The following NR3C1 variants were observed in gnomAD, a reference collection of about 807,000 sequenced individuals.
The protein encoded by NR3C1 is glucocorticoid receptor.
Under a neutral mutation model 74.0 loss-of-function variants are expected in NR3C1, and 14 were observed. That is an observed-to-expected ratio of 0.19 (90% CI 0.12 to 0.30). The LOEUF (loss-of-function observed/expected upper bound fraction) is 0.30, where lower values mean the gene tolerates loss of function less well. Among genes scored for constraint, NR3C1 ranks in the 10% least tolerant of loss-of-function variants. The probability of loss-of-function intolerance (pLI) is 1.00; values close to 1 mark genes in which losing one functional copy is unlikely to be tolerated. For synonymous variants in NR3C1, 308 were observed against 332.5 expected, an observed-to-expected ratio of 0.93 and a Z score of 0.80; for missense variants, 695 against 909.8, an observed-to-expected ratio of 0.76 and a Z score of 3.04.
At chr5:143,434,521 A>T in intron 1 of NR3C1, 3 of 985,166 alleles carry the variant, frequency 3.0e-6, no homozygotes, top group Non-Finnish European at 3.6e-6. Context: ...GGGAATAAAA[A>T]TATAACCTAC....
At chr5:143,366,204 GT>G (rs1833142431) in intron 2 of NR3C1, among the ~76,000 whole-genome samples, 2 of 151,942 alleles carry the variant, frequency 1.3e-5, no homozygotes, top group African/African-American at 4.8e-5. Flanking sequence ...AATAGAGTAG[GT>G]CAACAAAAAT....
At chr5:143,370,850 A>AT (rs1383040645) in intron 2 of NR3C1, among the ~76,000 whole-genome samples, 3 of 152,216 alleles carry the variant, frequency 2.0e-5, no homozygotes, top group Admixed American at 1.3e-4. Context: ...TAAAAGCAAG[A>AT]TATCAGGAAC....
intron 2 of NR3C1, among the ~76,000 whole-genome samples, chr5:143,381,069 T>C (rs1836140955): frequency 6.6e-6 from 1 of 152,094 alleles, no homozygotes; most frequent in South Asian, 2.1e-4. Context: ...CAAAAAAATA[T>C]TAGAACAGAT....
chr5:143,410,027 A>G (rs890645697), intron 1 of NR3C1, among the ~76,000 whole-genome samples: 8 of 152,358 alleles, frequency 5.3e-5, no homozygotes, highest in African/African-American at 1.9e-4. Context: ...TCAGCAGATA[A>G]ATGAGATAAA....
intron 1 of NR3C1, among the ~76,000 whole-genome samples, chr5:143,430,922 T>G (rs529268947): frequency 7.2e-5 from 11 of 152,296 alleles, no homozygotes; most frequent in Admixed American, 7.2e-4. Context: ...CTGCAACCAC[T>G]AAAAACACAG....
At chr5:143,434,225 C>T (rs150565100) in intron 1 of NR3C1, among the ~76,000 whole-genome samples, 2 of 152,312 alleles carry the variant, frequency 1.3e-5, no homozygotes, top group African/African-American at 4.8e-5. Flanking sequence ...TTGTCTCGTT[C>T]TCCTTTCTAG....
Position 143,300,458 on chromosome 5 carries a change from G to C in NR3C1, c.1747+27C>G. 1.2e-6 allele frequency: 2 copies of C among 1,614,000 alleles called. No individual in the cohort carries two copies. Among genetic ancestry groups the C allele is most frequent in the Non-Finnish European group, 1.7e-6 (2 of 1,179,886 alleles). ...TGAAGAAAACACAAAGGTTTATATA[G>C]TTGCTCTTTTATGTTTTGCATCTTA... On this transcript the variant is annotated intron_variant, in intron 5 of 8. Transcript: ENST00000394464. The surrounding 1 kb of genome is among the most constrained non-coding windows in gnomAD (Gnocchi z 5.2).
intron 2 of NR3C1, among the ~76,000 whole-genome samples, chr5:143,343,095 G>C (rs9324916): frequency 0.16 from 24,325 of 152,208 alleles, 2,359 homozygotes; most frequent in Middle Eastern, 0.26. Context: ...AATTTCATAA[G>C]GACAAATATA....
At chr5:143,296,915 A>G (rs1287636147) in intron 6 of NR3C1, among the ~76,000 whole-genome samples, 1 of 151,984 alleles carries the variant, frequency 6.6e-6, no homozygotes. Flanking sequence ...CGTCTCTACT[A>G]AAAATACAAA....
At chr5:143,388,736 T>C (rs1249318991) in intron 2 of NR3C1, among the ~76,000 whole-genome samples, 1 of 152,186 alleles carries the variant, frequency 6.6e-6, no homozygotes, top group Non-Finnish European at 1.5e-5. Context: ...GCTTATACAC[T>C]GGGGAGCCCA....
intron 1 of NR3C1, among the ~76,000 whole-genome samples, chr5:143,431,147 C>T (rs925241009): frequency 9.2e-5 from 14 of 152,034 alleles, no homozygotes; most frequent in Admixed American, 2.6e-4. Context: ...GTTTAGGATA[C>T]CAGGGTTCCG....
intron 2 of NR3C1, among the ~76,000 whole-genome samples, chr5:143,320,194 C>CA (rs1325656200): frequency 2.0e-5 from 3 of 152,136 alleles, no homozygotes; most frequent in Non-Finnish European, 4.4e-5. Context: ...GAATAGTTTT[C>CA]AAATCAAATA....
chr5:143,424,546 A>T (rs1049401776), intron 1 of NR3C1, among the ~76,000 whole-genome samples: 2 of 152,262 alleles, frequency 1.3e-5, no homozygotes, highest in Non-Finnish European at 2.9e-5. Flanking sequence ...AAGAAAAAAA[A>T]CCCCTATATA....
upstream of NR3C1, among the ~76,000 whole-genome samples, chr5:143,404,837 G>T (rs139891298): frequency 2.6e-5 from 4 of 152,178 alleles, no homozygotes; most frequent in East Asian, 7.7e-4. Context: ...CCCGGTGCAG[G>T]CCCCACCCCC....
At chr5:143,343,719 G>GT (rs1461723413) in intron 2 of NR3C1, among the ~76,000 whole-genome samples, 2 of 152,076 alleles carry the variant, frequency 1.3e-5, no homozygotes, top group African/African-American at 4.8e-5. Context: ...TTTATGATAC[G>GT]TAACTTTTTA....
In NR3C1 at chr5:143,400,388, G is replaced by A; in HGVS notation, c.452C>T (p.Pro151Leu). The stretch of plus-strand genomic sequence containing the variant: ...AGTTTTTGGAAACTCCTTCTCTGTG[G>A]GGGCAGCAGACACAGCAGTGGATGC... ...SSASTAVSAA[P>L]TEKEFPKTHS... Residue 151 changes from proline to leucine, a missense_variant, in exon 2 of 9, where the codon CCC (proline) becomes CTC (leucine). Physicochemically the swap from Pro to Leu is moderately conservative, Grantham distance 98. Coordinates refer to ENST00000394464, the MANE Select transcript of NR3C1 (RefSeq NM_000176.3). 6.2e-7 allele frequency: 1 copy of A among 1,614,168 alleles called. No individual in the cohort carries two copies.
At chr5:143,413,080 C>T (rs1418166912) in intron 1 of NR3C1, among the ~76,000 whole-genome samples, 1 of 152,154 alleles carries the variant, frequency 6.6e-6, no homozygotes, top group Non-Finnish European at 1.5e-5. Flanking sequence ...TATAAGGCTG[C>T]AGGGATATCA....
intron 1 of NR3C1, among the ~76,000 whole-genome samples, chr5:143,424,163 GTAAC>G (rs1751403461): frequency 6.6e-6 from 1 of 151,834 alleles, no homozygotes; most frequent in Admixed American, 6.6e-5. Flanking sequence ...GTATACATAT[GTAAC>G]TAACCTGCAC....
At chr5:143,342,283 A>C (rs1435618988) in intron 2 of NR3C1, among the ~76,000 whole-genome samples, 1 of 152,200 alleles carries the variant, frequency 6.6e-6, no homozygotes, top group Non-Finnish European at 1.5e-5. Context: ...AATCATCTAC[A>C]GGAATTATCT....
Sources: allele counts gnomAD v4.1 joint callset (sites outside exome capture counted in the v4.1 genomes callset), GRCh38; gene constraint gnomAD v4.1.1; non-coding constraint Gnocchi (gnomAD v3.1); transcripts MANE v1.5; gene names NCBI Gene and HGNC (gene_info 2026-07-23, HGNC 2026-07-21).